Variants in GRM7 observed in about 807,000 individuals in gnomAD.
The protein encoded by GRM7 is metabotropic glutamate receptor 7.
Under a neutral mutation model 84.5 loss-of-function variants are expected in GRM7, and 35 were observed. The ratio of observed to expected loss-of-function variants is 0.41; its 90% CI spans 0.32 to 0.55. The LOEUF is 0.55. GRM7 is among the 20% of genes least tolerant of loss of function. GRM7 has a pLI of 0.19. For synonymous variants in GRM7, 487 were observed against 455.1 expected (o/e 1.07, Z -0.89); for missense variants, 1,003 against 1,194.6 (o/e 0.84, Z 2.36).
chr3:7,448,413 G>A (rs1193361990), intron 5 of GRM7, among the ~76,000 whole-genome samples: 1 of 152,130 alleles, frequency 6.6e-6, no homozygotes, highest in South Asian at 2.1e-4. Context: ...TTCTTGCAGA[G>A]GAGATTGGAT....
intron 2 of GRM7, among the ~76,000 whole-genome samples, chr3:7,290,096 A>C (rs2125009131): frequency 6.6e-6 from 1 of 152,314 alleles, no homozygotes; most frequent in Non-Finnish European, 1.5e-5. Context: ...ACAGCAACTA[A>C]AAGAATGCCT....
chr3:7,213,942 A>G (rs1236826328), intron 2 of GRM7, among the ~76,000 whole-genome samples: 1 of 152,224 alleles, frequency 6.6e-6, no homozygotes, highest in Non-Finnish European at 1.5e-5. Flanking sequence ...GTCCCAGTAA[A>G]GAACAGCAAA....
At chr3:7,173,251 T>A (rs1344537639) in intron 2 of GRM7, among the ~76,000 whole-genome samples, 2 of 152,132 alleles carry the variant, frequency 1.3e-5, no homozygotes, top group African/African-American at 4.8e-5. Flanking sequence ...CATCACCAAG[T>A]TCTCTCGTCT....
At chr3:7,255,564 C>T (rs1230117553) in intron 2 of GRM7, among the ~76,000 whole-genome samples, 1 of 152,168 alleles carries the variant, frequency 6.6e-6, no homozygotes, top group Non-Finnish European at 1.5e-5. Flanking sequence ...TTATTTGCTT[C>T]CAAATTTTCA....
At chr3:6,977,422 A>C (rs1694042865) in intron 1 of GRM7, among the ~76,000 whole-genome samples, 1 of 151,946 alleles carries the variant, frequency 6.6e-6, no homozygotes, top group Non-Finnish European at 1.5e-5. Flanking sequence ...TTTTAGACAC[A>C]TGATTGAAAT....
At chr3:7,711,697 C>A (rs567088657) in intron 9 of GRM7, among the ~76,000 whole-genome samples, 23 of 152,330 alleles carry the variant, frequency 1.5e-4, no homozygotes, top group African/African-American at 5.1e-4. Flanking sequence ...TCCCTATCCG[C>A]GTTCTTTTAG....
At chr3:7,131,850 T>G (rs1426601724) in intron 1 of GRM7, among the ~76,000 whole-genome samples, 2 of 152,186 alleles carry the variant, frequency 1.3e-5, no homozygotes, top group Non-Finnish European at 2.9e-5. Context: ...AAAGTAAATT[T>G]AGACGGGGAT....
intron 4 of GRM7, among the ~76,000 whole-genome samples, chr3:7,351,995 C>T (rs1338369962): frequency 6.6e-6 from 1 of 151,382 alleles, no homozygotes; most frequent in Admixed American, 6.6e-5. Context: ...CCAATTCCCC[C>T]TGATAAATAT....
At position 7,485,032 on chromosome 3, in the gene GRM7, G is replaced by A. The variant is rs139275086; in HGVS notation, c.1515+23310G>A. 1.5e-3 allele frequency among the ~76,000 whole-genome samples: 232 copies of A among 152,264 alleles called. 1 individual carries two copies. Among genetic ancestry groups the A allele is most frequent in the African/African-American group, 5.2e-3 (217 of 41,568 alleles). ...AACTGAGGCACTTATTCCAATAGGC[G>A]TGGGAAACTATATCCTGCCAACAAC... On this transcript the variant is annotated intron_variant, in intron 7 of 9. Transcript: ENST00000357716.
chr3:7,633,072 G>T (rs1697927490), intron 8 of GRM7, among the ~76,000 whole-genome samples: 1 of 152,258 alleles, frequency 6.6e-6, no homozygotes, highest in Non-Finnish European at 1.5e-5. Context: ...TACATATTTG[G>T]TGCTGGGATG....
intron 4 of GRM7, among the ~76,000 whole-genome samples, chr3:7,312,377 AAAGG>A (rs1700429446): frequency 6.6e-6 from 1 of 152,040 alleles, no homozygotes; most frequent in Non-Finnish European, 1.5e-5. Flanking sequence ...CAGTTCCTCA[AAAGG>A]AAGGGAGGCA....
At chr3:7,218,350 A>T (rs1407979820) in intron 2 of GRM7, among the ~76,000 whole-genome samples, 3 of 152,088 alleles carry the variant, frequency 2.0e-5, no homozygotes, top group African/African-American at 7.2e-5. Flanking sequence ...TAGTACCTTT[A>T]TTTCTAGTAA....
chr3:6,983,802 T>G lies in GRM7; in HGVS notation c.519+121895T>G, dbSNP rs894240399. On this transcript the variant is annotated intron_variant, in intron 1 of 9. Coordinates refer to ENST00000357716, the MANE Select transcript of GRM7 (RefSeq NM_000844.4). ...TCCAACCTCAGATGACCTTTTGTTT[T>G]GTTTTTTTTTTGTTTTCAGTGTTCT... Among the ~76,000 whole-genome samples the G allele has an allele frequency of 1.0e-4, 15 of 145,346 alleles. No homozygotes were observed. The Admixed American group carries it at 1.0e-3, about 10-fold the overall frequency.
At chr3:7,459,476 A>G (rs556788797) in intron 6 of GRM7, among the ~76,000 whole-genome samples, 1 of 152,112 alleles carries the variant, frequency 6.6e-6, no homozygotes, top group Non-Finnish European at 1.5e-5. Context: ...TTTATAAAGA[A>G]AAGGGGGTTT....
At chr3:7,031,092 G>A (rs1435337586) in intron 1 of GRM7, among the ~76,000 whole-genome samples, 1 of 152,132 alleles carries the variant, frequency 6.6e-6, no homozygotes, top group Non-Finnish European at 1.5e-5. Context: ...GAAAAAAAGT[G>A]TGAAATAAAT....
intron 1 of GRM7, among the ~76,000 whole-genome samples, chr3:6,899,711 AACTG>A (rs1458632298): frequency 1.3e-5 from 2 of 152,238 alleles, no homozygotes; most frequent in Non-Finnish European, 2.9e-5. Context: ...ATTTTAGACA[AACTG>A]ACTAATGATA....
At chr3:7,043,171 T>C (rs1328056450) in intron 1 of GRM7, among the ~76,000 whole-genome samples, 3 of 152,180 alleles carry the variant, frequency 2.0e-5, no homozygotes, top group Non-Finnish European at 4.4e-5. Flanking sequence ...AGTGATTCTT[T>C]CTTGGCTTCA....
intron 1 of GRM7, among the ~76,000 whole-genome samples, chr3:6,882,150 T>C (rs1312249673): frequency 1.3e-5 from 2 of 152,120 alleles, no homozygotes; most frequent in African/African-American, 2.4e-5. Flanking sequence ...AGGTATAGCA[T>C]ACCTAGACCC....
At chr3:7,042,367 C>T (rs1424854802) in intron 1 of GRM7, among the ~76,000 whole-genome samples, 2 of 152,124 alleles carry the variant, frequency 1.3e-5, no homozygotes, top group African/African-American at 4.8e-5. Flanking sequence ...CAGAAGTATA[C>T]TTTGTTGATT....
Sources: allele counts gnomAD v4.1 joint callset (sites outside exome capture counted in the v4.1 genomes callset), GRCh38; gene constraint gnomAD v4.1.1; transcripts MANE v1.5; gene names NCBI Gene and HGNC (gene_info 2026-07-23, HGNC 2026-07-21).